Variants in VPS50 observed in about 807,000 individuals in gnomAD.
VPS50 encodes VPS50 subunit of EARP/GARPII complex.
A neutral mutation model predicts 139.7 loss-of-function variants in VPS50; 70 were observed. The ratio of observed to expected loss-of-function variants is 0.50; its 90% confidence interval spans 0.41 to 0.61. The LOEUF (loss-of-function observed/expected upper bound fraction) is 0.61. VPS50 is among the 20% of genes least tolerant of loss of function. VPS50 has a pLI of 0.00. For synonymous variants in VPS50, 365 were observed against 376.7 expected (o/e 0.97, Z 0.36); for missense variants, 921 against 1,133.7 (o/e 0.81, Z 2.69).
intron 12 of VPS50, among the ~76,000 whole-genome samples, chr7:93,281,275 A>G (rs1243313714): frequency 6.6e-6 from 1 of 152,160 alleles, no homozygotes; most frequent in Non-Finnish European, 1.5e-5. Context: ...AATTATAATC[A>G]TGTCGATTTT....
chr7:93,280,602 C>T (rs971955506), intron 12 of VPS50, among the ~76,000 whole-genome samples: 2 of 151,878 alleles, frequency 1.3e-5, no homozygotes, highest in African/African-American at 4.8e-5. Flanking sequence ...TAGAGAAACC[C>T]TTTGTGGTTT....
chr7:93,342,457 G>C (rs1339651364), intron 23 of VPS50, among the ~76,000 whole-genome samples: 1 of 152,162 alleles, frequency 6.6e-6, no homozygotes, highest in African/African-American at 2.4e-5. Flanking sequence ...CTGGAAGCTC[G>C]AACTAGGTGG....
At chr7:93,355,562 C>T (rs886224730) in intron 26 of VPS50, among the ~76,000 whole-genome samples, 1 of 152,080 alleles carries the variant, frequency 6.6e-6, no homozygotes, top group Non-Finnish European at 1.5e-5. Context: ...TAACTCTTGG[C>T]AGCCAGATTA....
Position 93,341,499 on chromosome 7 carries a change from CTCAG to C in VPS50, c.2135_2138del (p.Ser712ThrfsTer2). 1 of 1,610,824 alleles carries C rather than the reference CTCAG, an allele frequency of 6.2e-7. No homozygotes were observed. Among genetic ancestry groups the C allele is most frequent in the Non-Finnish European group, 8.5e-7 (1 of 1,177,256 alleles). ...AAAGGAGAAGGTGCCAAGTCCACAC[CTCAG>C]TCACCTAGTGGTTTTGACATCTGGG... On this transcript the variant is annotated frameshift_variant, in exon 23 of 28. Coordinates refer to ENST00000305866, the MANE Select transcript of VPS50 (RefSeq NM_017667.4). LOFTEE classifies it high-confidence loss of function.
chr7:93,239,871 G>T lies in VPS50; in HGVS notation c.39G>T (p.Leu13=). 6.3e-7 allele frequency: 1 copy of T among 1,595,044 alleles called. No individual in the cohort carries two copies. The highest frequency in any genetic ancestry group is 1.1e-5 in the South Asian group (1 of 90,698). The change falls in exon 2 of 28, where the codon CTG becomes CTT. Residue 13 remains leucine, a synonymous_variant. Transcript: ENST00000305866. ...KIKSLMTRQG[L]KSPQESLSDL... The stretch of plus-strand genomic sequence containing the variant: ...CATCTTATTATTTTTTTAAGGGTCT[G>T]AAAAGCCCTCAAGAAAGCCTCAGTG...
intron 1 of VPS50, among the ~76,000 whole-genome samples, chr7:93,238,131 T>C (rs1794873480): frequency 6.6e-6 from 1 of 152,200 alleles, no homozygotes; most frequent in Admixed American, 6.5e-5. Flanking sequence ...ATAATGTATA[T>C]AGAAGTGTAG....
At chr7:93,274,235 C>A (rs550520145) in intron 11 of VPS50, among the ~76,000 whole-genome samples, 4 of 152,054 alleles carry the variant, frequency 2.6e-5, no homozygotes, top group African/African-American at 7.2e-5. Flanking sequence ...TCAGTGTACA[C>A]GGAACAGCCT....
At chr7:93,341,684 A>G (rs1798215040) in intron 23 of VPS50, 109 bp downstream of exon 23, 1 of 620,304 alleles carries the variant, frequency 1.6e-6, no homozygotes, top group Admixed American at 3.1e-5. Flanking sequence ...CCACTTCTAA[A>G]TATCACTTAT....
intron 12 of VPS50, among the ~76,000 whole-genome samples, chr7:93,283,231 C>CTTTTT (rs775610044): frequency 7.1e-6 from 1 of 140,614 alleles, no homozygotes; most frequent in African/African-American, 2.6e-5. Context: ...TTTTTCTTTT[C>CTTTTT]TTTTTTTTTT....
chr7:93,347,681 A>G (rs1244962452), intron 23 of VPS50, among the ~76,000 whole-genome samples: 1 of 148,968 alleles, frequency 6.7e-6, no homozygotes, highest in African/African-American at 2.5e-5. Context: ...TTGTAGGGAC[A>G]TGGATGAAAT....
chr7:93,292,424 A>G (rs1796677418), intron 13 of VPS50, among the ~76,000 whole-genome samples: 2 of 152,112 alleles, frequency 1.3e-5, no homozygotes, highest in Non-Finnish European at 2.9e-5. Flanking sequence ...TAATCATTCT[A>G]TTTAAATTGC....
intron 26 of VPS50, among the ~76,000 whole-genome samples, chr7:93,354,724 A>C (rs1273824626): frequency 6.6e-6 from 1 of 152,042 alleles, no homozygotes; most frequent in African/African-American, 2.4e-5. Context: ...ATTAATAGTA[A>C]TTTTCCCACT....
At chr7:93,321,504 C>A (rs1377670210) in intron 20 of VPS50, among the ~76,000 whole-genome samples, 1 of 152,144 alleles carries the variant, frequency 6.6e-6, no homozygotes, top group Non-Finnish European at 1.5e-5. Flanking sequence ...CCATGTATGA[C>A]TTTTAAGGTG....
At chr7:93,328,230 A>AT (rs1222514232) in intron 21 of VPS50, among the ~76,000 whole-genome samples, 6 of 152,028 alleles carry the variant, frequency 3.9e-5, no homozygotes, top group African/African-American at 7.3e-5. Context: ...TCTGGTTCAC[A>AT]TTTTTTTGTG....
rs754918534 is a variant in VPS50 at position 93,257,372 on chromosome 7, C to A, written c.352-22C>A. The stretch of plus-strand genomic sequence containing the variant: ...AAAAATAAAATACCTCCAACAATAA[C>A]CTGTACCTAATCTTCCCATAGGAAC... On this transcript the variant is annotated intron_variant, in intron 5 of 27. Coordinates refer to ENST00000305866, the MANE Select transcript of VPS50 (RefSeq NM_017667.4). 2.3e-5 allele frequency: 33 copies of A among 1,431,394 alleles called. No individual in the cohort carries two copies. The East Asian group carries it at 3.0e-4, about 13-fold the overall frequency. 88.7% of individuals were successfully genotyped at this position (1,431,394 alleles called of 1,614,324 possible). A position where few individuals can be genotyped will look rare whatever the true frequency, so the allele number is the denominator to read the frequency against.
intron 23 of VPS50, among the ~76,000 whole-genome samples, chr7:93,343,245 G>A (rs1253971254): frequency 6.6e-6 from 1 of 152,170 alleles, no homozygotes; most frequent in Admixed American, 6.5e-5. Flanking sequence ...GATGGAAGAT[G>A]AAATGAATGA....
At chr7:93,253,705 AGG>A (rs1460515108) in intron 3 of VPS50, among the ~76,000 whole-genome samples, 153 bp from the exon 4 acceptor site, 1 of 152,106 alleles carries the variant, frequency 6.6e-6, no homozygotes, top group Non-Finnish European at 1.5e-5. Flanking sequence ...GGAACCTAGG[AGG>A]GAGGTTGGGA....
intron 10 of VPS50, among the ~76,000 whole-genome samples, chr7:93,272,202 T>C (rs1298449246): frequency 6.6e-6 from 1 of 151,872 alleles, no homozygotes; most frequent in Non-Finnish European, 1.5e-5. Context: ...AGGAATATAC[T>C]TTTAAATTCA....
chr7:93,355,389 T>C (rs1798678007), intron 26 of VPS50, among the ~76,000 whole-genome samples: 2 of 152,130 alleles, frequency 1.3e-5, no homozygotes, highest in Non-Finnish European at 2.9e-5. Context: ...TCATGAAAAA[T>C]ATATATATAC....
Sources: allele counts gnomAD v4.1 joint callset (sites outside exome capture counted in the v4.1 genomes callset), GRCh38; gene constraint gnomAD v4.1.1; transcripts MANE v1.5; gene names NCBI Gene and HGNC (gene_info 2026-07-23, HGNC 2026-07-21).